Variants in HS3ST2 observed in about 807,000 individuals in gnomAD.
HS3ST2 encodes the protein heparan sulfate glucosamine 3-O-sulfotransferase 2.
In HS3ST2, 17 loss-of-function variants were observed where a neutral mutation model predicts 26.3. The ratio of observed to expected loss-of-function variants is 0.65; its 90% confidence interval spans 0.44 to 0.97. The LOEUF (loss-of-function observed/expected upper bound fraction) is 0.97, where lower values mean the gene tolerates loss of function less well. Ranked by LOEUF, HS3ST2 falls within the 50% of genes least tolerant of loss-of-function variation. HS3ST2 has a pLI of 0.00. For missense variants in HS3ST2, 402 were observed against 501.2 expected, an observed-to-expected ratio of 0.80 and a Z score of 1.89; for synonymous variants, 237 against 219.2, an observed-to-expected ratio of 1.08 and a Z score of -0.72.
intron 1 of HS3ST2, among the ~76,000 whole-genome samples, chr16:22,832,092 C>T (rs1455604349): frequency 6.6e-6 from 1 of 151,700 alleles, no homozygotes; most frequent in Non-Finnish European, 1.5e-5. Flanking sequence ...AAGTGATCCT[C>T]CCACTTCAGC....
intron 1 of HS3ST2, among the ~76,000 whole-genome samples, chr16:22,822,883 A>G (rs1901020923): frequency 6.6e-6 from 1 of 152,006 alleles, no homozygotes; most frequent in Admixed American, 6.6e-5. Flanking sequence ...AAGAAAGAAA[A>G]AAAGATATTT....
intron 1 of HS3ST2, among the ~76,000 whole-genome samples, chr16:22,883,150 T>C (rs1350634767): frequency 6.6e-6 from 1 of 152,186 alleles, no homozygotes; most frequent in Non-Finnish European, 1.5e-5. Context: ...TGCCAGCAGA[T>C]GCCAATTCCC....
intron 1 of HS3ST2, among the ~76,000 whole-genome samples, chr16:22,848,274 C>T (rs1901472253): frequency 6.6e-6 from 1 of 152,192 alleles, no homozygotes; most frequent in Non-Finnish European, 1.5e-5. Context: ...ACTTGGAAAA[C>T]AAGGGCAAGA....
At position 22,915,532 on chromosome 16, in the gene HS3ST2, A is replaced by G; in HGVS notation, c.1074A>G (p.Glu358=). ...GACCGTATAATATCAAATTTTATGA[A>G]ACCGTTGGGCAGGACTTCAGGTGGG... ...FYRPYNIKFY[E]TVGQDFRWE The change falls in exon 2 of 2, where the codon GAA becomes GAG. Residue 358 remains glutamate, a synonymous_variant. Coordinates refer to ENST00000261374, the MANE Select transcript of HS3ST2 (RefSeq NM_006043.2). 1 of 1,613,628 alleles carries G rather than the reference A, an allele frequency of 6.2e-7. No homozygotes were observed. Among genetic ancestry groups the G allele is most frequent in the Non-Finnish European group, 8.5e-7 (1 of 1,179,754 alleles).
At chr16:22,876,427 C>A (rs1036041048) in intron 1 of HS3ST2, among the ~76,000 whole-genome samples, 2 of 151,994 alleles carry the variant, frequency 1.3e-5, no homozygotes, top group African/African-American at 4.8e-5. Flanking sequence ...CAAGAATAGC[C>A]ATCATTTTTT....
chr16:22,846,164 C>A (rs760479523), intron 1 of HS3ST2, among the ~76,000 whole-genome samples: 1 of 151,960 alleles, frequency 6.6e-6, no homozygotes, highest in Non-Finnish European at 1.5e-5. Flanking sequence ...GTAGTCCCAG[C>A]TACTTGGGAG....
rs146243221 is a variant in HS3ST2, at chr16:22,866,920, A to G, written c.486-48024A>G. ...TATACCTGGATGTTAATTCTCCTCA[A>G]ATTAATCTATTCATTTTATTCAATT... On this transcript the variant is annotated intron_variant, in intron 1 of 1. Coordinates refer to ENST00000261374, the MANE Select transcript of HS3ST2 (RefSeq NM_006043.2). Among the ~76,000 whole-genome samples, 219 of 152,334 alleles carry G rather than the reference A, an allele frequency of 1.4e-3. 1 individual carries two copies. Among genetic ancestry groups the G allele is most frequent in the African/African-American group, 5.1e-3 (212 of 41,570 alleles).
intron 1 of HS3ST2, among the ~76,000 whole-genome samples, chr16:22,826,859 G>C (rs930197183): frequency 6.6e-6 from 1 of 152,012 alleles, no homozygotes; most frequent in Non-Finnish European, 1.5e-5. Flanking sequence ...TGGGGAGAGA[G>C]GAATGAAAAA....
intron 1 of HS3ST2, among the ~76,000 whole-genome samples, chr16:22,819,207 C>T (rs890023082): frequency 1.4e-5 from 2 of 147,508 alleles, no homozygotes; most frequent in African/African-American, 5.0e-5. Context: ...TTCCTTTTCT[C>T]TTTCCTTCCC....
In HS3ST2 at chr16:22,915,033, T is replaced by A; in HGVS notation, c.575T>A (p.Phe192Tyr). 2 of 1,614,058 alleles carry A rather than the reference T, an allele frequency of 1.2e-6. No homozygotes were observed. Among genetic ancestry groups the A allele is most frequent in the Non-Finnish European group, 1.7e-6 (2 of 1,180,000 alleles). ...FVTQEAPRRI[F>Y]NMSRDTKLIV... is the part of the protein sequence containing the mutation. ...ACTCAAGAGGCTCCTCGACGCATCT[T>A]CAACATGTCCCGAGACACCAAGCTG... is the stretch of plus-strand genomic sequence containing the variant. The change falls in exon 2 of 2, where the codon TTC becomes TAC. Residue 192 changes from phenylalanine to tyrosine, a missense_variant. Phe to Tyr is a conservative substitution (Grantham distance 22). This residue lies in a region of HS3ST2 where 237 missense variants were observed against 346.6 expected (regional missense o/e 0.68). Coordinates refer to ENST00000261374, the MANE Select transcript of HS3ST2 (RefSeq NM_006043.2).
intron 1 of HS3ST2, among the ~76,000 whole-genome samples, chr16:22,822,660 C>G (rs1901012233): frequency 6.6e-6 from 1 of 151,982 alleles, no homozygotes. Context: ...TTGAGACCAG[C>G]CTGGCCAACA....
intron 1 of HS3ST2, among the ~76,000 whole-genome samples, chr16:22,828,785 AG>A (rs1901126796): frequency 6.6e-6 from 1 of 152,184 alleles, no homozygotes; most frequent in Non-Finnish European, 1.5e-5. Context: ...GTCATTGCAA[AG>A]CTCTGTGGTG....
At chr16:22,860,219 T>C (rs933750968) in intron 1 of HS3ST2, among the ~76,000 whole-genome samples, 2 of 152,284 alleles carry the variant, frequency 1.3e-5, no homozygotes, top group East Asian at 3.9e-4. Flanking sequence ...CCTCACAATC[T>C]TGGTGGAAGA....
chr16:22,911,415 A>C (rs1902423563), intron 1 of HS3ST2, among the ~76,000 whole-genome samples: 1 of 152,232 alleles, frequency 6.6e-6, no homozygotes, highest in Admixed American at 6.5e-5. Context: ...AGAAAGGGAC[A>C]AGGTTGTAAT....
chr16:22,836,716 T>C (rs576637132), intron 1 of HS3ST2, among the ~76,000 whole-genome samples: 1 of 152,328 alleles, frequency 6.6e-6, no homozygotes, highest in African/African-American at 2.4e-5. Flanking sequence ...TTAGGATGGC[T>C]CACTGCAACC....
chr16:22,819,972 A>G (rs1900963916), intron 1 of HS3ST2, among the ~76,000 whole-genome samples: 1 of 152,224 alleles, frequency 6.6e-6, no homozygotes, highest in Non-Finnish European at 1.5e-5. Context: ...CTTTCAACAA[A>G]TTGATCAACA....
Position 22,825,751 on chromosome 16 carries a change from C to T in HS3ST2, c.485+10656C>T, listed in dbSNP as rs556186360. 5.3e-5 allele frequency among the ~76,000 whole-genome samples: 8 copies of T among 152,274 alleles called. No individual in the cohort carries two copies. In the South Asian group the frequency reaches 6.2e-4, roughly 12 times the overall value. On this transcript the variant is annotated intron_variant, in intron 1 of 1. Transcript: ENST00000261374. ...CACAAAATAAAGTGGTTGCCGGGAG[C>T]GGGGGCTCACACCTGTAATCCCAGC... is the stretch of plus-strand genomic sequence containing the variant.
intron 1 of HS3ST2, among the ~76,000 whole-genome samples, chr16:22,877,912 T>C (rs1444649881): frequency 6.6e-6 from 1 of 152,136 alleles, no homozygotes; most frequent in African/African-American, 2.4e-5. Flanking sequence ...TAGAGGGGGA[T>C]AATGAGGGCT....
At chr16:22,853,606 T>A (rs1267507940) in intron 1 of HS3ST2, among the ~76,000 whole-genome samples, 2 of 152,144 alleles carry the variant, frequency 1.3e-5, no homozygotes, top group Non-Finnish European at 2.9e-5. Context: ...TTTCAGATGC[T>A]AGGATAGCTT....
Sources: gnomAD v4.1 joint callset for allele counts (sites outside exome capture counted in the v4.1 genomes callset) on GRCh38, gnomAD v4.1.1 for gene constraint, gnomAD v4.1.1 regional missense constraint, MANE v1.5 for transcripts, NCBI Gene and HGNC (gene_info 2026-07-23, HGNC 2026-07-21) for gene names.